DPYD: variants seen among roughly 807,000 people sequenced by gnomAD.
DPYD encodes dihydropyrimidine dehydrogenase.
Under a neutral mutation model 116.2 loss-of-function variants are expected in DPYD, and 109 were observed. That is an observed-to-expected ratio of 0.94 (90% CI 0.80 to 1.10). DPYD has a LOEUF of 1.10. Ranked by LOEUF, DPYD falls within the 50% of genes least tolerant of loss-of-function variation. The pLI is 0.00. For synonymous variants in DPYD, 440 were observed against 432.0 expected, an observed-to-expected ratio of 1.02 and a Z score of -0.23; for missense variants, 1,302 against 1,254.5, an observed-to-expected ratio of 1.04 and a Z score of -0.57.
At chr1:97,714,282 C>T (rs12094442) in intron 5 of DPYD, among the ~76,000 whole-genome samples, 3 of 151,942 alleles carry the variant, frequency 2.0e-5, no homozygotes, top group South Asian at 2.1e-4. Flanking sequence ...GGCGCAATCT[C>T]GGCTCATTGC....
chr1:97,845,852 G>T (rs1190210665), intron 2 of DPYD, among the ~76,000 whole-genome samples: 1 of 152,170 alleles, frequency 6.6e-6, no homozygotes, highest in Admixed American at 6.5e-5. Flanking sequence ...TCATCCACGT[G>T]TGGGTGCATA....
chr1:97,149,110 T>C lies in DPYD; in HGVS notation c.2622+43959A>G, dbSNP rs1266057902. ...CAATCTTTTGAAAACTAGTATTTAC[T>C]AAATGGATGTAATATGTGTTGATTA... is the stretch of plus-strand genomic sequence containing the variant. On this transcript the variant is annotated intron_variant, in intron 20 of 22. Transcript: ENST00000370192. 6.6e-5 allele frequency among the ~76,000 whole-genome samples: 10 copies of C among 152,220 alleles called. No homozygotes were observed. In the East Asian group the frequency reaches 1.9e-3, roughly 29 times the overall value.
intron 19 of DPYD, among the ~76,000 whole-genome samples, chr1:97,214,977 A>G (rs1258303722): frequency 6.6e-6 from 1 of 152,232 alleles, no homozygotes; most frequent in East Asian, 1.9e-4. Flanking sequence ...TACTAGTCAA[A>G]AGCTAGAATA....
intron 20 of DPYD, among the ~76,000 whole-genome samples, chr1:97,119,377 T>C (rs1652243842): frequency 6.6e-6 from 1 of 152,146 alleles, no homozygotes. Flanking sequence ...GACAGGAAGA[T>C]GATATCAAAG....
chr1:97,449,250 C>A (rs10747482), intron 14 of DPYD, among the ~76,000 whole-genome samples: 124,505 of 152,044 alleles, frequency 0.82, 51,306 homozygotes, highest in Non-Finnish European at 0.87. Context: ...TGACATAAAC[C>A]CACACATTGC....
chr1:97,817,618 A>G (rs987821748), intron 3 of DPYD, among the ~76,000 whole-genome samples: 3 of 152,124 alleles, frequency 2.0e-5, no homozygotes, highest in African/African-American at 7.2e-5. Flanking sequence ...TATTATCTGT[A>G]AATCTATTCT....
At chr1:97,358,642 C>T (rs573547853) in intron 16 of DPYD, among the ~76,000 whole-genome samples, 13 of 152,252 alleles carry the variant, frequency 8.5e-5, no homozygotes, top group Admixed American at 4.6e-4. Flanking sequence ...GTTCTGCAGC[C>T]TCCGCTGGTG....
chr1:97,872,048 T>A (rs1393566924), intron 2 of DPYD, among the ~76,000 whole-genome samples: 1 of 151,894 alleles, frequency 6.6e-6, no homozygotes, highest in African/African-American at 2.4e-5. Context: ...CTCAAGGTCA[T>A]ACTCTAGTAA....
chr1:97,629,510 C>T (rs1274944491), intron 8 of DPYD, among the ~76,000 whole-genome samples: 1 of 151,998 alleles, frequency 6.6e-6, no homozygotes, highest in African/African-American at 2.4e-5. Context: ...TTTAACACAT[C>T]CTCCTCCAAT....
chr1:97,222,950 A>G (rs1660871492), intron 19 of DPYD, among the ~76,000 whole-genome samples: 2 of 152,070 alleles, frequency 1.3e-5, no homozygotes, highest in Admixed American at 1.3e-4. Context: ...GAAGTTATTG[A>G]ATAAATATTT....
chr1:97,381,177 C>A (rs1446319695), intron 15 of DPYD, among the ~76,000 whole-genome samples: 2 of 150,744 alleles, frequency 1.3e-5, no homozygotes, highest in Non-Finnish European at 3.0e-5. Flanking sequence ...GTTTTTGCTA[C>A]AGAGTAATTA....
At chr1:97,915,898 C>T (rs139165574) in intron 1 of DPYD, among the ~76,000 whole-genome samples, 2 of 152,148 alleles carry the variant, frequency 1.3e-5, no homozygotes, top group East Asian at 3.9e-4. Flanking sequence ...TGATATTTTA[C>T]GACAATCTTT....
At chr1:97,546,499 A>T in intron 12 of DPYD, 1 of 1,603,554 alleles carries the variant, frequency 6.2e-7, no homozygotes, top group Non-Finnish European at 8.5e-7. Context: ...AAAACAAAAC[A>T]AAGATGATGA....
intron 18 of DPYD, among the ~76,000 whole-genome samples, chr1:97,251,391 T>TAAAA (rs10581072): frequency 6.1e-4 from 58 of 95,142 alleles, no homozygotes; most frequent in Middle Eastern, 6.0e-3. Context: ...AAACTCTGTC[T>TAAAA]AAAAAAAAAA....
chr1:97,919,387 G>A (rs1394722820), intron 1 of DPYD, among the ~76,000 whole-genome samples: 1 of 152,184 alleles, frequency 6.6e-6, no homozygotes, highest in Non-Finnish European at 1.5e-5. Context: ...GGCATTCAAT[G>A]TTTCACTGGC....
intron 3 of DPYD, among the ~76,000 whole-genome samples, chr1:97,768,183 A>C (rs1665964336): frequency 6.6e-6 from 1 of 152,182 alleles, no homozygotes; most frequent in Non-Finnish European, 1.5e-5. Flanking sequence ...CAAGCAGCCC[A>C]AATAATTCTT....
At chr1:97,734,806 C>A (rs973926883) in intron 4 of DPYD, among the ~76,000 whole-genome samples, 15 of 151,924 alleles carry the variant, frequency 9.9e-5, no homozygotes, top group African/African-American at 3.6e-4. Context: ...GGTCTCCAAG[C>A]ATATAGGTTT....
intron 8 of DPYD, among the ~76,000 whole-genome samples, chr1:97,677,552 T>C (rs1660210498): frequency 6.6e-6 from 1 of 152,122 alleles, no homozygotes; most frequent in Non-Finnish European, 1.5e-5. Flanking sequence ...TAAAGTCAAA[T>C]ATAGTATGCC....
intron 1 of DPYD, among the ~76,000 whole-genome samples, chr1:97,893,702 C>T (rs902714684): frequency 2.6e-5 from 4 of 151,314 alleles, no homozygotes; most frequent in South Asian, 2.1e-4. Context: ...ATAGTTAACA[C>T]AAATAGTTTA....
Sources: gnomAD v4.1 joint callset for allele counts (sites outside exome capture counted in the v4.1 genomes callset) on GRCh38, gnomAD v4.1.1 for gene constraint, MANE v1.5 for transcripts, NCBI Gene and HGNC (gene_info 2026-07-23, HGNC 2026-07-21) for gene names.